Variants in LARP4B observed in about 807,000 individuals in gnomAD.
LARP4B encodes the protein la-related protein 4B.
Under a neutral mutation model 89.8 loss-of-function variants are expected in LARP4B, and 12 were observed. That is an observed-to-expected ratio of 0.13 (90% CI 0.09 to 0.22). The LOEUF is 0.22. Ranked by LOEUF, LARP4B falls within the 10% of genes least tolerant of loss-of-function variation. LARP4B has a pLI of 1.00. For synonymous variants in LARP4B, 367 were observed against 363.3 expected (o/e 1.01, Z -0.12); for missense variants, 757 against 947.7 (o/e 0.80, Z 2.64).
Position 835,702 on chromosome 10 carries a change from A to G in LARP4B, c.750+701T>C, listed in dbSNP as rs368454130. ...TGTGGTTCCCTAAAATTACTGCCCA[A>G]GTCGGGTGGATTATGAGGTCAGGAG... On this transcript the variant is annotated intron_variant, in intron 8 of 17. Transcript: ENST00000316157. 3.3e-5 allele frequency among the ~76,000 whole-genome samples: 5 copies of G among 152,318 alleles called. No homozygotes were observed. The South Asian group carries it at 1.0e-3, about 32-fold the overall frequency.
chr10:863,226 ATT>A lies in LARP4B; in HGVS notation c.430+515_430+516del, dbSNP rs774627981. 7.4e-3 allele frequency among the ~76,000 whole-genome samples: 810 copies of A among 109,154 alleles called. 6 individuals are homozygous for A. Among genetic ancestry groups the A allele is most frequent in the African/African-American group, 0.025 (753 of 30,378 alleles). 71.6% of individuals were successfully genotyped at this position (109,154 alleles called of 152,430 possible). A position where few individuals can be genotyped will look rare whatever the true frequency, so the allele number is the denominator to read the frequency against. On this transcript the variant is annotated intron_variant, in intron 5 of 17. Coordinates refer to ENST00000316157, the MANE Select transcript of LARP4B (RefSeq NM_015155.3). ...CACTTCGCACTACTAAATAGGTTTC[ATT>A]TTTTTTTTTTTTTGAGATGGAGTCT... is the stretch of plus-strand genomic sequence containing the variant.
At chr10:943,000 G>A in the LARP4B span, among the ~76,000 whole-genome samples, 6 of 149,830 alleles carry the variant, frequency 4.0e-5, no homozygotes, top group Non-Finnish European at 8.9e-5. Flanking sequence ...AGGCTGGAGT[G>A]CAGTGGCATG....
chr10:945,654 C>G, the LARP4B span, among the ~76,000 whole-genome samples: 1 of 150,848 alleles, frequency 6.6e-6, no homozygotes, highest in South Asian at 2.1e-4. Flanking sequence ...CGCCACTGCA[C>G]TCCAGCCTGG....
At chr10:918,383 A>C in intron 1 of LARP4B, among the ~76,000 whole-genome samples, 1 of 152,212 alleles carries the variant, frequency 6.6e-6, no homozygotes, top group East Asian at 1.9e-4. Context: ...CTGTAATCCC[A>C]GTGCTTTTGA....
chr10:833,030 G>GAATGGGAGAGCATGGCTGTA (rs1171124368), intron 8 of LARP4B, among the ~76,000 whole-genome samples: 2 of 152,238 alleles, frequency 1.3e-5, no homozygotes, highest in East Asian at 3.9e-4. Context: ...TAGAAGTGGA[G>GAATGGGAGAGCATGGCTGTA]AATGGGAGAG....
the LARP4B span, among the ~76,000 whole-genome samples, chr10:968,261 A>G: frequency 6.6e-6 from 1 of 152,246 alleles, no homozygotes; most frequent in Non-Finnish European, 1.5e-5. Context: ...AGCTGATAAA[A>G]AGGCTTTCCC....
At chr10:889,725 G>A (rs571600155) in intron 1 of LARP4B, among the ~76,000 whole-genome samples, 4 of 152,226 alleles carry the variant, frequency 2.6e-5, no homozygotes, top group East Asian at 3.9e-4. Flanking sequence ...TGAGGCGGGC[G>A]GATCACCTGA....
intron 5 of LARP4B, among the ~76,000 whole-genome samples, chr10:846,534 G>A (rs951554690): frequency 2.0e-5 from 3 of 152,208 alleles, no homozygotes; most frequent in Non-Finnish European, 4.4e-5. Context: ...CCAGCAGTAG[G>A]AGGCCAGCAC....
chr10:945,240 TG>T, the LARP4B span, among the ~76,000 whole-genome samples: 2 of 150,408 alleles, frequency 1.3e-5, no homozygotes, highest in Non-Finnish European at 3.0e-5. Context: ...AAAAATTAGC[TG>T]GGCATTATGA....
intron 6 of LARP4B, among the ~76,000 whole-genome samples, chr10:844,056 G>A (rs910599825): frequency 5.3e-5 from 8 of 152,234 alleles, no homozygotes; most frequent in African/African-American, 1.9e-4. Context: ...GCACAGTGCT[G>A]GGTTCCTGGG....
chr10:858,930 T>C (rs1834445119), intron 5 of LARP4B, among the ~76,000 whole-genome samples: 1 of 152,056 alleles, frequency 6.6e-6, no homozygotes. Flanking sequence ...GGCAGACAGA[T>C]CACCTGAGGT....
chr10:879,410 AG>A (rs1379456657), intron 3 of LARP4B, among the ~76,000 whole-genome samples: 10 of 152,248 alleles, frequency 6.6e-5, no homozygotes, highest in Non-Finnish European at 1.3e-4. Context: ...GCTGAGGTAA[AG>A]GCAGCTTTAC....
chr10:974,538 C>A, the LARP4B span, among the ~76,000 whole-genome samples: 1 of 152,178 alleles, frequency 6.6e-6, no homozygotes, highest in Non-Finnish European at 1.5e-5. Context: ...TCTCTTGAAG[C>A]CTTGCTCTCG....
intron 1 of LARP4B, among the ~76,000 whole-genome samples, chr10:898,967 G>A (rs575650127): frequency 9.2e-5 from 14 of 152,166 alleles, no homozygotes; most frequent in Non-Finnish European, 1.8e-4. Context: ...ATGTCACATC[G>A]TAACATGACC....
chr10:938,537 G>A, the LARP4B span, among the ~76,000 whole-genome samples: 1 of 152,242 alleles, frequency 6.6e-6, no homozygotes, highest in East Asian at 1.9e-4. Flanking sequence ...ACAGGCGTGA[G>A]CCACCGCGCC....
At position 900,009 on chromosome 10, in the gene LARP4B, GA is replaced by G. The variant is rs906640150; in HGVS notation, c.-39-14250del. Among the ~76,000 whole-genome samples the G allele has an allele frequency of 3.1e-3, 434 of 140,074 alleles. 1 individual carries two copies. The highest frequency in any genetic ancestry group is 4.3e-3 in the African/African-American group (165 of 38,366). The allele number at this position is 140,074 out of a possible 152,430, so 91.9% of individuals were successfully genotyped here. ...CCTTTGAAGCTACATAAATTGATCA[GA>G]AAAAAAAAAAAATGATCACAGAAGC... On this transcript the variant is annotated intron_variant, in intron 1 of 17. Coordinates refer to ENST00000316157, the MANE Select transcript of LARP4B (RefSeq NM_015155.3).
chr10:863,287 G>A (rs1490259345), intron 5 of LARP4B, among the ~76,000 whole-genome samples: 7 of 150,254 alleles, frequency 4.7e-5, no homozygotes, highest in African/African-American at 1.2e-4. Flanking sequence ...GCAGTGGCAC[G>A]ATCTCGGCTC....
At chr10:904,286 G>A (rs942290290) in intron 1 of LARP4B, among the ~76,000 whole-genome samples, 3 of 152,276 alleles carry the variant, frequency 2.0e-5, no homozygotes, top group African/African-American at 7.2e-5. Flanking sequence ...GGGTGCAGTG[G>A]CTCACACCTG....
At chr10:815,222 CCAGGACTATCCTCTGCCCCA>C in intron 15 of LARP4B, 152 bp from the exon 16 acceptor site, 1 of 758,868 alleles carries the variant, frequency 1.3e-6, no homozygotes, top group Non-Finnish European at 1.9e-6. Flanking sequence ...GTCACAGAGC[CCAGGACTATCCTCTGCCCCA>C]CAGATCGCCC....
Sources: gnomAD v4.1 joint callset for allele counts (sites outside exome capture counted in the v4.1 genomes callset) on GRCh38, gnomAD v4.1.1 for gene constraint, MANE v1.5 for transcripts, NCBI Gene and HGNC (gene_info 2026-07-23, HGNC 2026-07-21) for gene names.